The following TMEM39A variants were observed in gnomAD, a reference collection of about 807,000 sequenced individuals.
TMEM39A encodes the protein transmembrane protein 39A.
Under a neutral mutation model 51.9 loss-of-function variants are expected in TMEM39A, and 19 were observed. The observed-to-expected ratio is 0.37, with a 90% CI of 0.26 to 0.54. The LOEUF (loss-of-function observed/expected upper bound fraction) is 0.54, where lower values mean the gene tolerates loss of function less well. Among genes scored for constraint, TMEM39A ranks in the 20% least tolerant of loss-of-function variants. The pLI is 0.88. For synonymous variants in TMEM39A, 197 were observed against 220.2 expected (o/e 0.89, Z 0.93); for missense variants, 433 against 590.5 (o/e 0.73, Z 2.76).
Position 119,463,355 on chromosome 3 carries a change from G to T in TMEM39A, c.-94C>A, listed in dbSNP as rs1056978418. The T allele has an allele frequency of 2.6e-6, 1 of 378,874 alleles. No homozygotes were observed. The highest frequency in any genetic ancestry group is 4.7e-6 in the Non-Finnish European group (1 of 214,330). The allele number at this position is 378,874 out of a possible 1,614,324, so 23.5% of individuals were successfully genotyped here. A position where few individuals can be genotyped will look rare whatever the true frequency, so the allele number is the denominator to read the frequency against. On this transcript the variant is annotated 5_prime_UTR_variant, in exon 1 of 9. Transcript: ENST00000319172. ...ACTCACGCATGGAAGAGTCCCAGCC[G>T]GTGGGGCGGGGTCCCTAGAAAGCGG...
At chr3:119,446,873 T>C in intron 5 of TMEM39A, 145 bp downstream of exon 5, 1 of 943,336 alleles carries the variant, frequency 1.1e-6, no homozygotes, top group Non-Finnish European at 1.5e-6. Flanking sequence ...AAATTATATG[T>C]TCACCATGCT....
chr3:119,433,329 C>T (rs184292312), intron 8 of TMEM39A, among the ~76,000 whole-genome samples: 3 of 152,266 alleles, frequency 2.0e-5, no homozygotes, highest in Non-Finnish European at 2.9e-5. Context: ...ACAAATGCTG[C>T]CAATTCCTGG....
intron 2 of TMEM39A, among the ~76,000 whole-genome samples, chr3:119,459,984 C>A (rs1417121396): frequency 6.6e-6 from 1 of 151,566 alleles, no homozygotes; most frequent in Admixed American, 6.6e-5. Flanking sequence ...TACCTCGTCC[C>A]CAGGTCTTTT....
In TMEM39A at chr3:119,432,096, A is replaced by G; in HGVS notation, c.1352T>C (p.Met451Thr). The stretch of plus-strand genomic sequence containing the variant: ...GTAGTTGCAGAAGAGGATGAGAGCC[A>G]TGGAAAGTGTGTGGTTCCACTTCTC... The part of the protein sequence containing the change: ...RSEKWNHTLS[M>T]ALILFCNYYV... Residue 451 changes from methionine to threonine, a missense_variant, in exon 9 of 9, where the codon ATG (methionine) becomes ACG (threonine). Physicochemically the swap from Met to Thr is moderately conservative, Grantham distance 81. Coordinates refer to ENST00000319172, the MANE Select transcript of TMEM39A (RefSeq NM_018266.3). 6.2e-7 allele frequency: 1 copy of G among 1,613,356 alleles called. No homozygotes were observed. Among genetic ancestry groups the G allele is most frequent in the South Asian group, 1.1e-5 (1 of 91,064 alleles).
Position 119,457,702 on chromosome 3 carries a change from A to G in TMEM39A, c.336+316T>C, listed in dbSNP as rs550856857. Reference sequence around the variant, plus strand: ...TAAAAGGGTAGAGTTGTTAGAATGTAGTAACACTGACACCTTATACTTACA... The same window carrying G: ...TAAAAGGGTAGAGTTGTTAGAATGTGGTAACACTGACACCTTATACTTACA... On this transcript the variant is annotated intron_variant, in intron 3 of 8. Transcript: ENST00000319172. Among the ~76,000 whole-genome samples the G allele has an allele frequency of 3.9e-5, 6 of 152,372 alleles. No homozygotes were observed. The East Asian group carries it at 1.2e-3, about 29-fold the overall frequency.
At chr3:119,443,906 AAAAAT>A (rs71293252) in intron 5 of TMEM39A, among the ~76,000 whole-genome samples, 107 of 149,584 alleles carry the variant, frequency 7.2e-4, no homozygotes, top group African/African-American at 1.5e-3. Context: ...CCTTGTCTCA[AAAAAT>A]AAAATAAAAT....
At chr3:119,442,167 C>G (rs1217112396) in intron 5 of TMEM39A, among the ~76,000 whole-genome samples, 1 of 152,060 alleles carries the variant, frequency 6.6e-6, no homozygotes, top group Non-Finnish European at 1.5e-5. Flanking sequence ...ATAGCGAAAC[C>G]CCGACTCTAC....
intron 8 of TMEM39A, among the ~76,000 whole-genome samples, chr3:119,433,428 T>C (rs1036794850): frequency 6.6e-6 from 1 of 152,136 alleles, no homozygotes; most frequent in African/African-American, 2.4e-5. Context: ...TATCAGCAGG[T>C]GGCCCATGGA....
At position 119,434,634 on chromosome 3, in the gene TMEM39A, A is replaced by G. The variant is rs1560007853; in HGVS notation, c.1233+128T>C. 9.7e-6 allele frequency: 13 copies of G among 1,347,016 alleles called. No individual in the cohort carries two copies. The Admixed American group carries it at 2.4e-4, about 25-fold the overall frequency. 83.4% of individuals were successfully genotyped at this position (1,347,016 alleles called of 1,614,324 possible). A position where few individuals can be genotyped will look rare whatever the true frequency, so the allele number is the denominator to read the frequency against. On this transcript the variant is annotated intron_variant, in intron 8 of 8. Transcript: ENST00000319172. ...AAAGTACAGGGACCACTGTTACGCT[A>G]GTAGCAATAATTACCATGTAATAAT...
Position 119,430,498 on chromosome 3 carries a change from T to G in TMEM39A, c.*1483A>C, listed in dbSNP as rs368630086. The G allele has an allele frequency of 6.6e-6, 1 of 152,236 alleles. No homozygotes were observed. The highest frequency in any genetic ancestry group is 1.9e-4 in the East Asian group (1 of 5,186). 9.4% of individuals were successfully genotyped at this position (152,236 alleles called of 1,614,324 possible). ...GTAAGCTCTGTGCAAGTAGGACCTT[T>G]GCATTTCTCATTCACTGCTATATCC... On this transcript the variant is annotated 3_prime_UTR_variant, in exon 9 of 9. Transcript: ENST00000319172.
chr3:119,435,911 C>G, intron 7 of TMEM39A: 1 of 1,289,670 alleles, frequency 7.8e-7, no homozygotes, highest in South Asian at 1.2e-5. Context: ...TCTTTCAGTT[C>G]CTGGGCTTGA....
In TMEM39A at chr3:119,437,771, G is replaced by A. The variant is rs1187861695; in HGVS notation, c.908C>T (p.Pro303Leu). The A allele has an allele frequency of 3.9e-6, 6 of 1,548,418 alleles. No homozygotes were observed. Among genetic ancestry groups the A allele is most frequent in the Non-Finnish European group, 5.3e-6 (6 of 1,141,306 alleles). ...LFSAYYVAFL[P>L]LCFVKSTQYY... ...ACCACTTACCTTCACAAAACACAGG[G>A]GGAGAAATGCAACATAGTAGGCACT... Residue 303 changes from proline to leucine, a missense_variant, in exon 6 of 9, where the codon CCC (proline) becomes CTC (leucine). By Grantham distance (98) the Pro-to-Leu change is moderately conservative. Around this residue, in one of 3 missense-constraint regions of TMEM39A, gnomAD observed 223 missense variants for 328.1 expected, o/e 0.68. Transcript: ENST00000319172.
chr3:119,451,948 A>G (rs1462000593), intron 4 of TMEM39A, among the ~76,000 whole-genome samples: 1 of 152,088 alleles, frequency 6.6e-6, no homozygotes, highest in Non-Finnish European at 1.5e-5. Context: ...TCTGCTCACT[A>G]AACTTAGATT....
intron 1 of TMEM39A, 52 bp from the exon 2 acceptor site, chr3:119,462,200 C>A: frequency 1.5e-6 from 1 of 654,324 alleles, no homozygotes; most frequent in South Asian, 1.9e-5. Flanking sequence ...TTAAAGTAGG[C>A]AACAAAACAA....
At chr3:119,461,099 C>A (rs1017826787) in intron 2 of TMEM39A, among the ~76,000 whole-genome samples, 1 of 152,108 alleles carries the variant, frequency 6.6e-6, no homozygotes, top group Admixed American at 6.5e-5. Flanking sequence ...ATCCAACGAA[C>A]GGCAGAGTAA....
intron 7 of TMEM39A, chr3:119,435,295 G>T (rs1375691538): frequency 1.0e-6 from 1 of 985,220 alleles, no homozygotes; most frequent in Non-Finnish European, 1.2e-6. Flanking sequence ...GGAGAAATTA[G>T]CACATTGTCA....
intron 5 of TMEM39A, among the ~76,000 whole-genome samples, chr3:119,440,167 T>G (rs12495580): frequency 0.15 from 22,050 of 152,060 alleles, 2,013 homozygotes; most frequent in Admixed American, 0.2. Context: ...AAGCTGCATG[T>G]GTAGGTGTAG....
At chr3:119,447,771 A>G (rs1001858964) in intron 4 of TMEM39A, among the ~76,000 whole-genome samples, 1 of 151,872 alleles carries the variant, frequency 6.6e-6, no homozygotes, top group Non-Finnish European at 1.5e-5. Context: ...ATACAGGCGT[A>G]CACCACCACG....
At chr3:119,446,198 C>G (rs2081122715) in intron 5 of TMEM39A, among the ~76,000 whole-genome samples, 1 of 152,220 alleles carries the variant, frequency 6.6e-6, no homozygotes, top group Non-Finnish European at 1.5e-5. Context: ...TCTTTCCTTA[C>G]TAAGTCAAGA....
Sources: gnomAD v4.1 joint callset for allele counts (sites outside exome capture counted in the v4.1 genomes callset) on GRCh38, gnomAD v4.1.1 for gene constraint, gnomAD v4.1.1 regional missense constraint, MANE v1.5 for transcripts, NCBI Gene and HGNC (gene_info 2026-07-23, HGNC 2026-07-21) for gene names.